The following SCHIP1 variants were observed in gnomAD, a reference collection of about 807,000 sequenced individuals.
SCHIP1 encodes schwannomin-interacting protein 1.
In SCHIP1, 8 loss-of-function variants were observed where a neutral mutation model predicts 29.7. That is an observed-to-expected ratio of 0.27 (90% CI 0.16 to 0.49). SCHIP1 has a LOEUF of 0.49. SCHIP1 is among the 20% of genes least tolerant of loss of function. SCHIP1 has a pLI of 0.99. For missense variants in SCHIP1, 193 were observed against 294.6 expected (o/e 0.66, Z 2.52); for synonymous variants, 76 against 94.9 (o/e 0.80, Z 1.16).
intron 1 of SCHIP1, among the ~76,000 whole-genome samples, chr3:159,865,488 A>G (rs907360259): frequency 3.9e-5 from 6 of 152,182 alleles, no homozygotes; most frequent in African/African-American, 1.4e-4. Context: ...AAAATATGAA[A>G]CAGATGGGCC....
the SCHIP1 span, chr3:159,273,517 T>C: frequency 8.7e-7 from 1 of 1,155,106 alleles, no homozygotes. Flanking sequence ...AGTAGCCTTG[T>C]CTTCTCTGTG....
the SCHIP1 span, among the ~76,000 whole-genome samples, chr3:159,345,779 C>T: frequency 6.6e-6 from 1 of 152,140 alleles, no homozygotes; most frequent in Non-Finnish European, 1.5e-5. Flanking sequence ...CAGGAAAGGG[C>T]TAAGAGGAGG....
chr3:159,282,677 C>T, the SCHIP1 span: 1 of 144,622 alleles, frequency 6.9e-6, no homozygotes, highest in Non-Finnish European at 1.5e-5. Flanking sequence ...CCTTTGTTCT[C>T]TACTAGTTTG....
chr3:159,834,596 G>A, the SCHIP1 span, among the ~76,000 whole-genome samples: 2 of 152,162 alleles, frequency 1.3e-5, no homozygotes, highest in African/African-American at 4.8e-5. Context: ...TGCCAGTTTT[G>A]TTGGTGGCAA....
chr3:159,492,390 G>A, the SCHIP1 span, among the ~76,000 whole-genome samples: 1 of 152,308 alleles, frequency 6.6e-6, no homozygotes, highest in Admixed American at 6.5e-5. Context: ...AATAACCAAT[G>A]CAGAGAAGTC....
the SCHIP1 span, among the ~76,000 whole-genome samples, chr3:159,730,984 C>A: frequency 3.3e-5 from 5 of 152,154 alleles, no homozygotes; most frequent in East Asian, 1.9e-4. Context: ...TATGGAGTGG[C>A]CTTTGTCCTT....
At chr3:159,284,584 G>A in the SCHIP1 span, among the ~76,000 whole-genome samples, 4 of 152,230 alleles carry the variant, frequency 2.6e-5, no homozygotes, top group Admixed American at 1.3e-4. Context: ...TGCTTCCCGG[G>A]TTAAAACGAT....
the SCHIP1 span, among the ~76,000 whole-genome samples, chr3:159,823,720 G>A: frequency 1.3e-5 from 2 of 152,184 alleles, no homozygotes; most frequent in Non-Finnish European, 2.9e-5. Context: ...CTGTATGTCT[G>A]GTTTCTCTCT....
chr3:159,842,609 A>T (rs139270467), intron 1 of SCHIP1, among the ~76,000 whole-genome samples: 1,764 of 151,634 alleles, frequency 0.012, 21 homozygotes, highest in Middle Eastern at 0.082. Flanking sequence ...TTCCTCTTGG[A>T]CTCCGCTCCT....
At chr3:159,870,397 C>A (rs1715130809) in intron 2 of SCHIP1, among the ~76,000 whole-genome samples, 1 of 151,844 alleles carries the variant, frequency 6.6e-6, no homozygotes, top group South Asian at 2.1e-4. Context: ...TGTTCCCTCC[C>A]AGGTATAACT....
chr3:159,768,515 T>G, the SCHIP1 span: 1 of 152,218 alleles, frequency 6.6e-6, no homozygotes, highest in Non-Finnish European at 1.5e-5. Context: ...TCAGATAAGA[T>G]TGAGAGGCAA....
chr3:159,535,610 G>C, the SCHIP1 span, among the ~76,000 whole-genome samples: 1 of 152,156 alleles, frequency 6.6e-6, no homozygotes, highest in Non-Finnish European at 1.5e-5. Context: ...GCCTTCTCAG[G>C]GACCTGTGGG....
At chr3:159,543,111 A>G in the SCHIP1 span, among the ~76,000 whole-genome samples, 1 of 74,968 alleles carries the variant, frequency 1.3e-5, no homozygotes, top group African/African-American at 7.2e-5. Context: ...ACATATATAC[A>G]TGTGTGTATA....
the SCHIP1 span, among the ~76,000 whole-genome samples, chr3:159,373,167 G>A: frequency 2.0e-5 from 3 of 151,714 alleles, no homozygotes; most frequent in Non-Finnish European, 4.4e-5. Flanking sequence ...ATTTGAATTT[G>A]CATATGAATG....
chr3:159,432,335 T>TGAGAGA, the SCHIP1 span, among the ~76,000 whole-genome samples: 1 of 85,828 alleles, frequency 1.2e-5, no homozygotes, highest in Admixed American at 1.3e-4. Context: ...TGTGTGTGTG[T>TGAGAGA]GTGTGAGAGA....
the SCHIP1 span, among the ~76,000 whole-genome samples, chr3:159,364,095 C>G: frequency 1.3e-5 from 2 of 152,126 alleles, no homozygotes; most frequent in Non-Finnish European, 2.9e-5. Flanking sequence ...ATTTTGATAA[C>G]TTTTCAAAGG....
chr3:159,786,058 T>G, the SCHIP1 span, among the ~76,000 whole-genome samples: 1 of 152,230 alleles, frequency 6.6e-6, no homozygotes, highest in Non-Finnish European at 1.5e-5. Flanking sequence ...TCAAAGATAA[T>G]AATTTTTATT....
chr3:159,528,929 C>T, the SCHIP1 span, among the ~76,000 whole-genome samples: 1 of 152,280 alleles, frequency 6.6e-6, no homozygotes, highest in South Asian at 2.1e-4. Context: ...TTTCTATGTG[C>T]ACATGACAAT....
chr3:159,367,456 C>G, the SCHIP1 span, among the ~76,000 whole-genome samples: 2 of 151,126 alleles, frequency 1.3e-5, no homozygotes, highest in Non-Finnish European at 2.9e-5. Flanking sequence ...ACCAAACTTT[C>G]TAATGGTCAA....
Sources: gnomAD v4.1 joint callset for allele counts (sites outside exome capture counted in the v4.1 genomes callset) on GRCh38, gnomAD v4.1.1 for gene constraint, MANE v1.5 for transcripts, NCBI Gene and HGNC (gene_info 2026-07-23, HGNC 2026-07-21) for gene names.